The following ITPR2 variants were observed in gnomAD, a reference collection of about 807,000 sequenced individuals.
The protein encoded by ITPR2 is inositol 1,4,5-trisphosphate receptor type 2.
ITPR2 carries 207 observed loss-of-function variants against 317.1 expected under a neutral mutation model. The observed-to-expected ratio is 0.65, with a 90% CI of 0.58 to 0.73. ITPR2 has a LOEUF of 0.73. Among genes scored for constraint, ITPR2 ranks in the 30% least tolerant of loss-of-function variants. The pLI is 0.00. For synonymous variants in ITPR2, 1,156 were observed against 1,149.1 expected, an observed-to-expected ratio of 1.01 and a Z score of -0.12; for missense variants, 2,613 against 3,284.0, an observed-to-expected ratio of 0.80 and a Z score of 4.99.
intron 37 of ITPR2, among the ~76,000 whole-genome samples, chr12:26,503,099 G>A (rs1831320742): frequency 6.6e-6 from 1 of 151,846 alleles, no homozygotes; most frequent in Non-Finnish European, 1.5e-5. Flanking sequence ...AAACAAGAGA[G>A]TGTGGCTGGT....
At chr12:26,811,036 CAAAAAAAAAAAAA>C (rs79796097) in intron 1 of ITPR2, among the ~76,000 whole-genome samples, 7 of 108,310 alleles carry the variant, frequency 6.5e-5, no homozygotes, top group Non-Finnish European at 9.0e-5. Context: ...TTTTAAGTTA[CAAAAAAAAAAAAA>C]AAAAAAAAAA....
intron 24 of ITPR2, among the ~76,000 whole-genome samples, chr12:26,623,800 C>G (rs960019073): frequency 3.3e-5 from 5 of 152,108 alleles, no homozygotes; most frequent in Non-Finnish European, 4.4e-5. Flanking sequence ...CAATAAACGG[C>G]AGGATTCCTG....
In ITPR2 at chr12:26,725,677, G is replaced by T; in HGVS notation, c.252C>A (p.Thr84=). ...GTAGTTTCTTCAGCAAGGCTGCCTC[G>T]GTGTGGTTCCCTTGTTTGGCTTGCT... ...KAKQAKQGNH[T]EAALLKKLQH... is the part of the protein sequence containing the mutation. The change falls in exon 3 of 57, where the codon ACC becomes ACA. Residue 84 remains threonine, a synonymous_variant. Transcript: ENST00000381340. 1.2e-6 allele frequency: 2 copies of T among 1,613,092 alleles called. No individual in the cohort carries two copies. Among genetic ancestry groups the T allele is most frequent in the Non-Finnish European group, 1.7e-6 (2 of 1,179,326 alleles).
intron 31 of ITPR2, among the ~76,000 whole-genome samples, chr12:26,596,079 G>T (rs1348259174): frequency 6.6e-6 from 1 of 152,226 alleles, no homozygotes; most frequent in African/African-American, 2.4e-5. Context: ...GAGGGTAAAT[G>T]ATGTGGGAAT....
intron 52 of ITPR2, chr12:26,400,947 C>G (rs1296852635): frequency 6.6e-6 from 1 of 152,084 alleles, no homozygotes; most frequent in South Asian, 2.1e-4. Flanking sequence ...TACCTTTAGC[C>G]GTCCTGGGGC....
At chr12:26,421,982 T>A (rs566560483) in intron 49 of ITPR2, among the ~76,000 whole-genome samples, 11 of 150,162 alleles carry the variant, frequency 7.3e-5, no homozygotes, top group African/African-American at 2.7e-4. Context: ...TACCAATAGG[T>A]CTTCTAAAAA....
At chr12:26,820,508 T>G (rs1019387583) in intron 1 of ITPR2, among the ~76,000 whole-genome samples, 1 of 152,180 alleles carries the variant, frequency 6.6e-6, no homozygotes, top group African/African-American at 2.4e-5. Flanking sequence ...TTATATTGTA[T>G]GTAATAAGAT....
chr12:26,526,005 A>G (rs969639332), intron 37 of ITPR2, among the ~76,000 whole-genome samples: 1 of 152,038 alleles, frequency 6.6e-6, no homozygotes, highest in Non-Finnish European at 1.5e-5. Flanking sequence ...TCCCTACAAT[A>G]CTATGCACAC....
chr12:26,741,926 G>A (rs192187013), intron 2 of ITPR2, among the ~76,000 whole-genome samples: 1 of 152,332 alleles, frequency 6.6e-6, no homozygotes, highest in East Asian at 1.9e-4. Context: ...ACATTGGGAA[G>A]GAGAGGGTTC....
At chr12:26,486,411 A>AC in intron 40 of ITPR2, 51 bp from the exon 41 acceptor site, 1 of 1,237,312 alleles carries the variant, frequency 8.1e-7, no homozygotes, top group Admixed American at 2.9e-5. Context: ...GCTTTTACTA[A>AC]TTAAAAAAAA....
chr12:26,426,864 T>C (rs1008864043), intron 49 of ITPR2, among the ~76,000 whole-genome samples: 16 of 150,682 alleles, frequency 1.1e-4, no homozygotes, highest in South Asian at 4.1e-4. Context: ...TAAATATTTG[T>C]TAAATATTAG....
intron 45 of ITPR2, among the ~76,000 whole-genome samples, chr12:26,469,560 T>C (rs1217112199): frequency 6.6e-6 from 1 of 152,182 alleles, no homozygotes; most frequent in Non-Finnish European, 1.5e-5. Context: ...CCAGGATCTA[T>C]TCTTATTCAC....
chr12:26,564,876 T>C (rs1319372602), intron 34 of ITPR2, among the ~76,000 whole-genome samples: 1 of 152,210 alleles, frequency 6.6e-6, no homozygotes, highest in Non-Finnish European at 1.5e-5. Context: ...GCTACACAGT[T>C]ATGCTAATTT....
chr12:26,629,734 C>T (rs1042245437), intron 22 of ITPR2, among the ~76,000 whole-genome samples: 1 of 152,072 alleles, frequency 6.6e-6, no homozygotes, highest in African/African-American at 2.4e-5. Flanking sequence ...CTCTCTTTCT[C>T]TTTCTCTTTT....
intron 52 of ITPR2, among the ~76,000 whole-genome samples, chr12:26,403,699 T>C (rs1023993619): frequency 2.6e-5 from 4 of 152,272 alleles, no homozygotes; most frequent in African/African-American, 9.6e-5. Flanking sequence ...TGTACAGAGA[T>C]AGAGGGGAGT....
chr12:26,673,114 T>C (rs1947825309), intron 13 of ITPR2, among the ~76,000 whole-genome samples: 1 of 152,142 alleles, frequency 6.6e-6, no homozygotes. Flanking sequence ...CTACCAGAGA[T>C]ACAAGGAGGA....
intron 37 of ITPR2, among the ~76,000 whole-genome samples, chr12:26,548,770 G>T (rs1033325069): frequency 3.3e-5 from 5 of 152,130 alleles, no homozygotes; most frequent in Non-Finnish European, 7.3e-5. Flanking sequence ...TGCACTCCTG[G>T]AATTTTCTCA....
chr12:26,400,312 T>G, intron 52 of ITPR2, 54 bp from the exon 53 acceptor site: 2 of 1,059,948 alleles, frequency 1.9e-6, no homozygotes, highest in Non-Finnish European at 2.5e-6. Context: ...ATATATAAAA[T>G]AAAATACACA....
intron 21 of ITPR2, among the ~76,000 whole-genome samples, chr12:26,649,936 T>C (rs1455324807): frequency 6.6e-6 from 1 of 152,196 alleles, no homozygotes; most frequent in African/African-American, 2.4e-5. Context: ...GCCCATTTAT[T>C]TATTAATTGT....
Sources: allele counts gnomAD v4.1 joint callset (sites outside exome capture counted in the v4.1 genomes callset), GRCh38; gene constraint gnomAD v4.1.1; transcripts MANE v1.5; gene names NCBI Gene and HGNC (gene_info 2026-07-23, HGNC 2026-07-21).